Variants in SHANK2 observed in about 807,000 individuals in gnomAD.
SHANK2 encodes SH3 and multiple ankyrin repeat domains protein 2.
SHANK2 carries 43 observed loss-of-function variants against 133.7 expected under a neutral mutation model. That is an observed-to-expected ratio of 0.32 (90% CI 0.25 to 0.41). SHANK2 has a LOEUF of 0.41. SHANK2 is among the 10% of genes least tolerant of loss of function. The pLI is 1.00. For synonymous variants in SHANK2, 1,017 were observed against 952.8 expected (o/e 1.07, Z -1.24); for missense variants, 1,994 against 2,235.8 (o/e 0.89, Z 2.18).
At chr11:70,543,792 G>A (rs896860875) in intron 17 of SHANK2, among the ~76,000 whole-genome samples, 19 of 152,344 alleles carry the variant, frequency 1.2e-4, no homozygotes, top group African/African-American at 4.1e-4. Flanking sequence ...CTTGGCACCT[G>A]CAAAGGACGT....
At chr11:70,764,253 C>A (rs782148842) in intron 14 of SHANK2, among the ~76,000 whole-genome samples, 1 of 148,610 alleles carries the variant, frequency 6.7e-6, no homozygotes, top group Non-Finnish European at 1.5e-5. Context: ...ATGCATCCAT[C>A]CATCCATCCA....
At chr11:70,715,816 T>G (rs1555027111) in intron 14 of SHANK2, among the ~76,000 whole-genome samples, 1 of 152,180 alleles carries the variant, frequency 6.6e-6, no homozygotes, top group Non-Finnish European at 1.5e-5. Context: ...CTGGCGAATG[T>G]GACCCACATG....
intron 17 of SHANK2, among the ~76,000 whole-genome samples, chr11:70,563,354 T>C (rs1340706444): frequency 6.6e-6 from 1 of 152,202 alleles, no homozygotes; most frequent in East Asian, 1.9e-4. Flanking sequence ...ACTTCCACTC[T>C]TCCCCTCCTA....
intron 14 of SHANK2, among the ~76,000 whole-genome samples, chr11:70,754,371 G>A (rs1043699337): frequency 6.6e-6 from 1 of 152,222 alleles, no homozygotes; most frequent in Non-Finnish European, 1.5e-5. Flanking sequence ...ATATTAGGAA[G>A]TCAAATCCAG....
intron 2 of SHANK2, among the ~76,000 whole-genome samples, chr11:71,206,963 G>A (rs1954138671): frequency 6.6e-6 from 1 of 152,108 alleles, no homozygotes; most frequent in African/African-American, 2.4e-5. Flanking sequence ...GTGCATGCCT[G>A]TAGTCCCAGC....
At chr11:71,106,860 C>A (rs1951809803) in intron 6 of SHANK2, among the ~76,000 whole-genome samples, 1 of 152,096 alleles carries the variant, frequency 6.6e-6, no homozygotes, top group Non-Finnish European at 1.5e-5. Flanking sequence ...CGTGGTGGCA[C>A]ACACCTGTAA....
At chr11:70,871,846 G>T (rs1472027173) in intron 11 of SHANK2, among the ~76,000 whole-genome samples, 4 of 152,142 alleles carry the variant, frequency 2.6e-5, no homozygotes, top group African/African-American at 7.2e-5. Context: ...TTCCATATAC[G>T]ATTTCTATTA....
intron 14 of SHANK2, among the ~76,000 whole-genome samples, chr11:70,718,519 C>T (rs1555028082): frequency 1.3e-5 from 2 of 152,132 alleles, no homozygotes; most frequent in African/African-American, 2.4e-5. Context: ...TGCAAGGTCA[C>T]GGCCAGCAGT....
chr11:71,234,776 C>T (rs925620204), intron 1 of SHANK2, among the ~76,000 whole-genome samples: 10 of 152,126 alleles, frequency 6.6e-5, no homozygotes, highest in African/African-American at 1.2e-4. Context: ...TCCAGAGTCC[C>T]GGGCACTGGA....
chr11:70,680,989 T>C (rs565991321), intron 15 of SHANK2, among the ~76,000 whole-genome samples: 23 of 152,264 alleles, frequency 1.5e-4, no homozygotes, highest in African/African-American at 4.3e-4. Context: ...TCCCCGTCAA[T>C]GCTCAGACCA....
intron 17 of SHANK2, among the ~76,000 whole-genome samples, chr11:70,624,900 G>C (rs1554999369): frequency 6.6e-6 from 1 of 152,170 alleles, no homozygotes; most frequent in Non-Finnish European, 1.5e-5. Flanking sequence ...CTGGTGGCCT[G>C]CGGGGGGTGT....
chr11:70,645,575 C>T (rs1283164720), intron 17 of SHANK2, among the ~76,000 whole-genome samples: 1 of 152,194 alleles, frequency 6.6e-6, no homozygotes, highest in African/African-American at 2.4e-5. Context: ...TCACTGCTGA[C>T]CCCACACGGG....
intron 2 of SHANK2, among the ~76,000 whole-genome samples, chr11:71,223,433 T>C (rs190069948): frequency 5.1e-4 from 78 of 152,336 alleles, no homozygotes; most frequent in African/African-American, 1.8e-3. Context: ...GTACCGAACA[T>C]GTACAGACAT....
chr11:70,530,223 C>T (rs910399525), intron 17 of SHANK2, among the ~76,000 whole-genome samples: 6 of 152,170 alleles, frequency 3.9e-5, no homozygotes, highest in African/African-American at 1.4e-4. Context: ...ATTACTCAGC[C>T]GTGAAAAGGA....
chr11:70,952,318 T>C (rs782320450), intron 10 of SHANK2, among the ~76,000 whole-genome samples: 3 of 152,192 alleles, frequency 2.0e-5, no homozygotes, highest in Non-Finnish European at 2.9e-5. Context: ...GAACCAGGAA[T>C]AGAATTCTGG....
intron 4 of SHANK2, among the ~76,000 whole-genome samples, chr11:71,117,707 G>T (rs1223738455): frequency 6.6e-6 from 1 of 152,186 alleles, no homozygotes; most frequent in African/African-American, 2.4e-5. Flanking sequence ...TGGGAGGGTG[G>T]TGCACGCCCA....
At chr11:70,595,715 C>A (rs1206407080) in intron 17 of SHANK2, among the ~76,000 whole-genome samples, 1 of 152,190 alleles carries the variant, frequency 6.6e-6, no homozygotes, top group Non-Finnish European at 1.5e-5. Context: ...GAGGCCCCAC[C>A]GCCCCGGGTA....
At position 70,479,099 on chromosome 11, in the gene SHANK2, G is replaced by A. The variant is rs1004588557; in HGVS notation, c.4980-5660C>T. 6.6e-6 allele frequency among the ~76,000 whole-genome samples: 1 copy of A among 152,188 alleles called. No homozygotes were observed. The highest frequency in any genetic ancestry group is 1.9e-4 in the East Asian group (1 of 5,192). On this transcript the variant is annotated intron_variant, in intron 25 of 25. Coordinates refer to ENST00000601538, the MANE Select transcript of SHANK2 (RefSeq NM_012309.5). This position sits in a 1 kb window ranked among gnomAD's most constrained non-coding sequence, Gnocchi z 4.4. ...TCCCATTCATCCTTGCCCAACGCCC[G>A]CAAGTACCAGCCCCGATGGACGCAC...
At chr11:70,927,098 G>C (rs564662091) in intron 10 of SHANK2, among the ~76,000 whole-genome samples, 6 of 152,226 alleles carry the variant, frequency 3.9e-5, no homozygotes, top group Non-Finnish European at 7.4e-5. Context: ...TGCTTGCCAA[G>C]GCATCTCAAT....
Sources: gnomAD v4.1 joint callset for allele counts (sites outside exome capture counted in the v4.1 genomes callset) on GRCh38, gnomAD v4.1.1 for gene constraint, Gnocchi (gnomAD v3.1) non-coding constraint, MANE v1.5 for transcripts, NCBI Gene and HGNC (gene_info 2026-07-23, HGNC 2026-07-21) for gene names.